Variants in TSHZ3 observed in about 807,000 individuals in gnomAD.
The protein encoded by TSHZ3 is teashirt zinc finger homeobox 3, also known as teashirt homolog 3.
TSHZ3 carries 10 observed loss-of-function variants against 64.5 expected under a neutral mutation model. That is an observed-to-expected ratio of 0.16 (90% CI 0.10 to 0.26). The LOEUF is 0.26. Ranked by LOEUF, TSHZ3 falls within the 10% of genes least tolerant of loss-of-function variation. The pLI, the probability that TSHZ3 is intolerant of heterozygous loss-of-function variation, is 1.00. For synonymous variants in TSHZ3, 608 were observed against 593.1 expected, an observed-to-expected ratio of 1.03 and a Z score of -0.36; for missense variants, 1,242 against 1,421.7, an observed-to-expected ratio of 0.87 and a Z score of 2.03.
Position 31,277,571 on chromosome 19 carries a change from A to C in TSHZ3, c.2222T>G (p.Leu741Arg). ...IHLGKAAKPS[L>R]PALDPMSMLF... ...CATGCTCATGGGGTCCAGGGCAGGC[A>C]GGGAGGGCTTGGCGGCCTTGCCCAG... is the stretch of plus-strand genomic sequence containing the variant. The change falls in exon 2 of 2, where the codon CTG becomes CGG. Residue 741 changes from leucine (L) to arginine (R), a missense_variant. Around this residue, in one of 4 missense-constraint regions of TSHZ3, gnomAD observed 550 missense variants for 545.1 expected, o/e 1.01. Coordinates refer to ENST00000240587, the MANE Select transcript of TSHZ3 (RefSeq NM_020856.4). This position sits in a 1 kb window ranked among gnomAD's most constrained non-coding sequence, Gnocchi z 4.5. The C allele has an allele frequency of 6.3e-7, 1 of 1,599,046 alleles. No individual in the cohort carries two copies. The highest frequency in any genetic ancestry group is 8.5e-7 in the Non-Finnish European group (1 of 1,171,970).
chr19:31,269,348 G>A (rs143774792), intron 1 of TSHZ3, among the ~76,000 whole-genome samples: 93 of 152,194 alleles, frequency 6.1e-4, no homozygotes, highest in African/African-American at 1.9e-3. Context: ...TTGCCGACTC[G>A]GTTTCATGGT....
intron 1 of TSHZ3, among the ~76,000 whole-genome samples, chr19:31,309,195 G>A (rs555788345): frequency 6.6e-6 from 1 of 152,348 alleles, no homozygotes; most frequent in East Asian, 1.9e-4. Context: ...TCAGGACTTG[G>A]GGGTCCCTAT....
intron 4 of TSHZ3, among the ~76,000 whole-genome samples, chr19:31,210,133 A>C (rs1975244475): frequency 6.6e-6 from 1 of 152,154 alleles, no homozygotes; most frequent in Non-Finnish European, 1.5e-5. Context: ...ACTTGGGGGG[A>C]TATTCCAAGC....
At chr19:31,317,829 G>A (rs1356536420) in intron 1 of TSHZ3, among the ~76,000 whole-genome samples, 1 of 152,190 alleles carries the variant, frequency 6.6e-6, no homozygotes, top group Non-Finnish European at 1.5e-5. Flanking sequence ...TTTTCCCTCT[G>A]CATCTCTTTC....
In TSHZ3 at chr19:31,315,813, TA is replaced by T. The variant is rs571000316; in HGVS notation, c.40+33366del. Reference sequence around the variant, plus strand: ...AATCCATCACGCAAGGCTTCAACCATATCCAATTATTCTCTGCTGCTTGATT... The same window carrying T: ...AATCCATCACGCAAGGCTTCAACCATTCCAATTATTCTCTGCTGCTTGATT... On this transcript the variant is annotated intron_variant, in intron 1 of 1. Coordinates refer to ENST00000240587, the MANE Select transcript of TSHZ3 (RefSeq NM_020856.4). Among the ~76,000 whole-genome samples, 911 of 152,298 alleles carry T rather than the reference TA, an allele frequency of 6.0e-3. 7 individuals are homozygous for T. Among genetic ancestry groups the T allele is most frequent in the Non-Finnish European group, 0.01 (699 of 68,022 alleles).
intron 5 of TSHZ3, among the ~76,000 whole-genome samples, chr19:31,200,395 C>A (rs1185520158): frequency 2.6e-5 from 4 of 151,936 alleles, no homozygotes; most frequent in African/African-American, 7.3e-5. Context: ...TCATTCAAGG[C>A]TAAAAAGAAA....
chr19:31,330,559 C>T (rs1423481189), intron 1 of TSHZ3, among the ~76,000 whole-genome samples: 1 of 152,184 alleles, frequency 6.6e-6, no homozygotes, highest in African/African-American at 2.4e-5. Flanking sequence ...TCTGTTTTCT[C>T]CTCCCTACCC....
intron 1 of TSHZ3, among the ~76,000 whole-genome samples, chr19:31,321,756 G>T (rs1014255592): frequency 9.2e-5 from 14 of 152,028 alleles, no homozygotes; most frequent in African/African-American, 3.4e-4. Flanking sequence ...AATTGTCGTT[G>T]ATTACATATT....
At chr19:31,266,997 T>C (rs965722824) in intron 1 of TSHZ3, among the ~76,000 whole-genome samples, 2 of 152,164 alleles carry the variant, frequency 1.3e-5, no homozygotes, top group African/African-American at 4.8e-5. Context: ...CCACTTCAAG[T>C]TTCAGGGTTT....
At chr19:31,336,267 C>T (rs1348597751) in intron 1 of TSHZ3, among the ~76,000 whole-genome samples, 3 of 152,192 alleles carry the variant, frequency 2.0e-5, no homozygotes, top group Non-Finnish European at 4.4e-5. Flanking sequence ...CAAGAACGAA[C>T]TTCCTGAACT....
At chr19:31,194,929 T>A (rs1015622428) in intron 5 of TSHZ3, among the ~76,000 whole-genome samples, 1 of 152,006 alleles carries the variant, frequency 6.6e-6, no homozygotes, top group Non-Finnish European at 1.5e-5. Flanking sequence ...TAAAAAACAC[T>A]ATAATAGAAA....
chr19:31,349,214 C>T lies in TSHZ3; in HGVS notation c.6G>A (p.Pro2=). The change falls in exon 1 of 2, where the codon CCG becomes CCA. Residue 2 remains proline, a synonymous_variant. Coordinates refer to ENST00000240587, the MANE Select transcript of TSHZ3 (RefSeq NM_020856.4). The stretch of plus-strand genomic sequence containing the variant: ...GCCGGGGCGCCTGCTGCTTCCTCCT[C>T]GGCATGATGCTTCTCCGGCGACTGC... The part of the protein sequence containing the change: M[P]RRKQQAPRRA... 6.5e-7 allele frequency: 1 copy of T among 1,539,722 alleles called. No individual in the cohort carries two copies. Among genetic ancestry groups the T allele is most frequent in the East Asian group, 2.5e-5 (1 of 39,912 alleles).
intron 1 of TSHZ3, among the ~76,000 whole-genome samples, chr19:31,328,942 A>C (rs1224774512): frequency 1.3e-5 from 2 of 152,128 alleles, no homozygotes; most frequent in Non-Finnish European, 2.9e-5. Context: ...GCTCCCAATC[A>C]CTGTTCACCA....
intron 6 of TSHZ3, among the ~76,000 whole-genome samples, chr19:31,153,694 C>G (rs1217918600): frequency 1.3e-5 from 2 of 152,122 alleles, no homozygotes; most frequent in Non-Finnish European, 2.9e-5. Context: ...TATGGTAATG[C>G]GGGCCTAAAA....
At chr19:31,199,428 GA>G (rs1975042856) in intron 5 of TSHZ3, among the ~76,000 whole-genome samples, 2 of 130,634 alleles carry the variant, frequency 1.5e-5, no homozygotes, top group African/African-American at 2.8e-5. Context: ...AAAAAGAAAA[GA>G]AAAAACATAG....
At position 31,227,047 on chromosome 19, in the gene TSHZ3, C is replaced by T. The variant is rs1028530850; in HGVS notation, n.686+958G>A. Among the ~76,000 whole-genome samples the T allele has an allele frequency of 7.0e-5, 9 of 128,090 alleles. No homozygotes were observed. The East Asian group carries it at 9.7e-4, about 14-fold the overall frequency. 84.0% of individuals were successfully genotyped at this position (128,090 alleles called of 152,430 possible). On this transcript the variant is annotated intron_variant and non_coding_transcript_variant, in intron 4 of 6. Coordinates refer to the TSHZ3 transcript ENST00000651361. ...AGGCTGGAGTGCAGTGGTGCCATCT[C>T]GGCTTACTGCAACCTCAGCCTTCCA... is the stretch of plus-strand genomic sequence containing the variant.
rs372133084 is a variant in TSHZ3, at chr19:31,279,306, C to G, written c.487G>C (p.Gly163Arg). ...SSSSSSSCGSGSFDWHQSAMA... is the reference protein window; with the variant it reads ...SSSSSSSCGSRSFDWHQSAMA... ...GCGCTCTGGTGCCAGTCGAAGCTCC[C>G]GCTGCCACAGCTGCTGCTGCTGCTA... The change falls in exon 2 of 2, where the codon GGG (glycine) becomes CGG (arginine). Residue 163 changes from glycine (G) to arginine (R), a missense_variant. Physicochemically the swap from Gly to Arg is moderately radical, Grantham distance 125. This residue lies in a region of TSHZ3 where 555 missense variants were observed against 704.0 expected (regional missense o/e 0.79). Coordinates refer to ENST00000240587, the MANE Select transcript of TSHZ3 (RefSeq NM_020856.4). This position sits in a 1 kb window ranked among gnomAD's most constrained non-coding sequence, Gnocchi z 6.4. 3 of 1,613,688 alleles carry G rather than the reference C, an allele frequency of 1.9e-6. No individual in the cohort carries two copies. The highest frequency in any genetic ancestry group is 2.5e-6 in the Non-Finnish European group (3 of 1,179,804).
chr19:31,233,381 A>G (rs1408232008), intron 3 of TSHZ3, among the ~76,000 whole-genome samples: 1 of 152,148 alleles, frequency 6.6e-6, no homozygotes, highest in Non-Finnish European at 1.5e-5. Context: ...TCATTGGCCA[A>G]TTGTGTATCT....
downstream of TSHZ3, among the ~76,000 whole-genome samples, chr19:31,272,394 C>A (rs1976155334): frequency 6.6e-6 from 1 of 152,104 alleles, no homozygotes; most frequent in South Asian, 2.1e-4. Context: ...AGGCTGTGGA[C>A]ACACAACCTC....
Sources: allele counts gnomAD v4.1 joint callset (sites outside exome capture counted in the v4.1 genomes callset), GRCh38; gene constraint gnomAD v4.1.1; regional missense constraint gnomAD v4.1.1; non-coding constraint Gnocchi (gnomAD v3.1); transcripts MANE v1.5; gene names NCBI Gene and HGNC (gene_info 2026-07-23, HGNC 2026-07-21).